CCSER1: variants seen among roughly 807,000 people sequenced by gnomAD.
CCSER1 encodes serine-rich coiled-coil domain-containing protein 1.
A neutral mutation model predicts 82.0 loss-of-function variants in CCSER1; 41 were observed. That is an observed-to-expected ratio of 0.50 (90% CI 0.39 to 0.65). CCSER1 has a LOEUF of 0.65. CCSER1 is among the 30% of genes least tolerant of loss of function. The probability of loss-of-function intolerance (pLI) is 0.00; values close to 1 mark genes in which losing one functional copy is unlikely to be tolerated. For synonymous variants in CCSER1, 414 were observed against 383.9 expected (o/e 1.08, Z -0.92); for missense variants, 1,119 against 1,064.2 (o/e 1.05, Z -0.72).
chr4:90,942,315 T>C (rs1731691254), intron 9 of CCSER1, among the ~76,000 whole-genome samples: 1 of 152,154 alleles, frequency 6.6e-6, no homozygotes, highest in Non-Finnish European at 1.5e-5. Flanking sequence ...TGGAGAAGAT[T>C]ATGATAGGCT....
At chr4:91,306,664 T>C (rs1745092093) in intron 10 of CCSER1, among the ~76,000 whole-genome samples, 1 of 152,008 alleles carries the variant, frequency 6.6e-6, no homozygotes, top group East Asian at 1.9e-4. Context: ...ATCAAGATGA[T>C]TGTCTAATTC....
rs17018003 is a variant in CCSER1, at chr4:91,060,630, C to T, written c.2173-25320C>T. 3.1e-3 allele frequency among the ~76,000 whole-genome samples: 466 copies of T among 152,054 alleles called. 1 individual carries two copies. Among genetic ancestry groups the T allele is most frequent in the African/African-American group, 0.011 (450 of 41,520 alleles). ...ATTTATTCTTGTCTTTTATATTGCACTTCTTCTTCAGGGTTAGTTAGTTGC... is the reference window on the plus strand; with the variant it reads ...ATTTATTCTTGTCTTTTATATTGCATTTCTTCTTCAGGGTTAGTTAGTTGC... On this transcript the variant is annotated intron_variant, in intron 9 of 10. Transcript: ENST00000509176.
chr4:90,446,918 T>C (rs1760741384), intron 4 of CCSER1, among the ~76,000 whole-genome samples: 1 of 152,188 alleles, frequency 6.6e-6, no homozygotes, highest in Admixed American at 6.5e-5. Context: ...CTCTTCCTTA[T>C]GATTTTCTTC....
chr4:91,336,922 A>G (rs1437499193), intron 10 of CCSER1, among the ~76,000 whole-genome samples: 1 of 152,146 alleles, frequency 6.6e-6, no homozygotes, highest in African/African-American at 2.4e-5. Flanking sequence ...ATATGTATAA[A>G]TACATCCCCT....
chr4:91,032,101 G>GA (rs1200927531), intron 9 of CCSER1, among the ~76,000 whole-genome samples: 66 of 151,080 alleles, frequency 4.4e-4, no homozygotes, highest in African/African-American at 1.1e-3. Flanking sequence ...GTCTAGAAAG[G>GA]AAAACAAAAA....
chr4:90,153,781 A>G (rs994077737), intron 1 of CCSER1, among the ~76,000 whole-genome samples: 9 of 152,138 alleles, frequency 5.9e-5, no homozygotes, highest in African/African-American at 1.9e-4. Context: ...TCTGGATATT[A>G]GCCGTTTGTC....
chr4:90,305,003 G>A (rs1359010826), intron 1 of CCSER1, among the ~76,000 whole-genome samples: 4 of 151,386 alleles, frequency 2.6e-5, no homozygotes, highest in Admixed American at 6.6e-5. Flanking sequence ...TGCAACCTCC[G>A]CTTCCTGGGT....
intron 1 of CCSER1, among the ~76,000 whole-genome samples, chr4:90,180,170 G>A (rs184666022): frequency 1.3e-5 from 2 of 150,572 alleles, no homozygotes; most frequent in Admixed American, 6.6e-5. Context: ...GTTATGTTTA[G>A]TGGAGAAACG....
At chr4:90,759,390 A>C (rs1750081912) in intron 7 of CCSER1, among the ~76,000 whole-genome samples, 1 of 152,218 alleles carries the variant, frequency 6.6e-6, no homozygotes, top group Non-Finnish European at 1.5e-5. Context: ...ATGCTACCTC[A>C]GTAAAAGTGA....
chr4:91,354,761 ATCT>A (rs1748709789), intron 10 of CCSER1, among the ~76,000 whole-genome samples: 1 of 152,186 alleles, frequency 6.6e-6, no homozygotes, highest in Admixed American at 6.5e-5. Flanking sequence ...ATGGCCATTG[ATCT>A]TCTATTACAG....
At chr4:90,369,499 C>T (rs1746981690) in intron 3 of CCSER1, among the ~76,000 whole-genome samples, 1 of 151,842 alleles carries the variant, frequency 6.6e-6, no homozygotes, top group Admixed American at 6.6e-5. Context: ...CATTAGAATA[C>T]ATGATATATT....
chr4:91,480,954 G>A (rs1757873673), intron 10 of CCSER1, among the ~76,000 whole-genome samples: 1 of 152,020 alleles, frequency 6.6e-6, no homozygotes, highest in Non-Finnish European at 1.5e-5. Context: ...GTGTATGTGT[G>A]AGTGAGAGAG....
intron 10 of CCSER1, among the ~76,000 whole-genome samples, chr4:91,245,659 T>C (rs1190824482): frequency 1.3e-5 from 2 of 152,138 alleles, no homozygotes; most frequent in African/African-American, 4.8e-5. Context: ...AGTATTTCAA[T>C]CTGAAAGAAA....
At chr4:91,056,636 A>C (rs144867670) in intron 9 of CCSER1, among the ~76,000 whole-genome samples, 1 of 152,276 alleles carries the variant, frequency 6.6e-6, no homozygotes, top group South Asian at 2.1e-4. Flanking sequence ...GGAGACATTC[A>C]GATCATAGCA....
At chr4:90,841,445 G>T (rs554527509) in intron 8 of CCSER1, among the ~76,000 whole-genome samples, 1 of 151,820 alleles carries the variant, frequency 6.6e-6, no homozygotes, top group Non-Finnish European at 1.5e-5. Context: ...GGGCGTGGTG[G>T]CAGATGCCTG....
At chr4:91,225,892 G>A (rs916540755) in intron 10 of CCSER1, among the ~76,000 whole-genome samples, 17 of 151,970 alleles carry the variant, frequency 1.1e-4, no homozygotes, top group African/African-American at 3.9e-4. Flanking sequence ...AACTAAACCT[G>A]AGCTCAGACT....
chr4:90,603,588 C>A (rs1443392946), intron 5 of CCSER1, among the ~76,000 whole-genome samples: 1 of 151,046 alleles, frequency 6.6e-6, no homozygotes, highest in African/African-American at 2.5e-5. Flanking sequence ...TCTGTGGAAG[C>A]CTTTATTAAT....
intron 4 of CCSER1, among the ~76,000 whole-genome samples, chr4:90,431,388 C>T (rs960231963): frequency 2.6e-5 from 4 of 151,936 alleles, no homozygotes; most frequent in Non-Finnish European, 5.9e-5. Flanking sequence ...TTTTATAAAT[C>T]CAGGAAAATT....
intron 5 of CCSER1, among the ~76,000 whole-genome samples, chr4:90,574,504 A>G (rs1037376505): frequency 3.3e-5 from 5 of 150,638 alleles, no homozygotes; most frequent in African/African-American, 9.8e-5. Flanking sequence ...TCCTGACCTC[A>G]TGATCCACCC....
Sources: allele counts gnomAD v4.1 joint callset (sites outside exome capture counted in the v4.1 genomes callset), GRCh38; gene constraint gnomAD v4.1.1; transcripts MANE v1.5; gene names NCBI Gene and HGNC (gene_info 2026-07-23, HGNC 2026-07-21).